The following HMCN1 variants were observed in gnomAD, a reference collection of about 807,000 sequenced individuals.
HMCN1 encodes hemicentin-1.
Under a neutral mutation model 625.9 loss-of-function variants are expected in HMCN1, and 321 were observed. The ratio of observed to expected loss-of-function variants is 0.51; its 90% CI spans 0.47 to 0.56. The LOEUF (loss-of-function observed/expected upper bound fraction) is 0.56. Among genes scored for constraint, HMCN1 ranks in the 20% least tolerant of loss-of-function variants. HMCN1 has a pLI of 0.00. For synonymous variants in HMCN1, 2,425 were observed against 2,417.6 expected, an observed-to-expected ratio of 1.00 and a Z score of -0.09; for missense variants, 6,588 against 6,887.3, an observed-to-expected ratio of 0.96 and a Z score of 1.54.
At chr1:185,997,936 C>A (rs1438637473) in intron 25 of HMCN1, among the ~76,000 whole-genome samples, 2 of 151,820 alleles carry the variant, frequency 1.3e-5, no homozygotes, top group African/African-American at 4.8e-5. Context: ...CTGGACACTT[C>A]TAAAAACCTC....
chr1:186,156,121 T>C (rs151046355), intron 97 of HMCN1, among the ~76,000 whole-genome samples: 2,771 of 152,170 alleles, frequency 0.018, 106 homozygotes, highest in African/African-American at 0.063. Flanking sequence ...ATCTAACTTA[T>C]TTTTAAAATT....
intron 2 of HMCN1, among the ~76,000 whole-genome samples, chr1:185,860,712 T>C (rs949642524): frequency 2.6e-5 from 4 of 152,186 alleles, no homozygotes; most frequent in South Asian, 2.1e-4. Context: ...TTAGAGTATA[T>C]GATATTATAA....
At chr1:186,040,888 C>T in intron 39 of HMCN1, 125 bp from the exon 40 acceptor site, 1 of 989,564 alleles carries the variant, frequency 1.0e-6, no homozygotes, top group Non-Finnish European at 1.6e-6. Context: ...TTAAAAATGT[C>T]CAAGGGAAAA....
chr1:185,853,968 G>A (rs1662313823), intron 2 of HMCN1, among the ~76,000 whole-genome samples: 1 of 152,180 alleles, frequency 6.6e-6, no homozygotes, highest in African/African-American at 2.4e-5. Flanking sequence ...AAACTATGAT[G>A]CCTGGATTCA....
chr1:186,033,189 C>T (rs1162860062), intron 36 of HMCN1, among the ~76,000 whole-genome samples: 1 of 151,762 alleles, frequency 6.6e-6, no homozygotes, highest in African/African-American at 2.4e-5. Flanking sequence ...GTGAAGTAAC[C>T]CAGGAATGGA....
chr1:186,108,551 T>C lies in HMCN1; in HGVS notation c.10943T>C (p.Val3648Ala), dbSNP rs1254384978. The C allele has an allele frequency of 4.3e-6, 7 of 1,614,140 alleles. No homozygotes were observed. In the South Asian group the frequency reaches 4.4e-5, roughly 10 times the overall value. The change falls in exon 71 of 107, where the codon GTG becomes GCG. Residue 3648 changes from valine to alanine, a missense_variant. This residue lies in a region of HMCN1 where 4,628 missense variants were observed against 4,853.1 expected (regional missense o/e 0.95). Coordinates refer to ENST00000271588, the MANE Select transcript of HMCN1 (RefSeq NM_031935.3). The stretch of plus-strand genomic sequence containing the variant: ...ACATTGGAATGCAAGTCAGATGCAG[T>C]GCCCCCACCTGTAATTACTTGGCTC... ...QVTLECKSDA[V>A]PPPVITWLRN... is the part of the protein sequence containing the mutation.
intron 44 of HMCN1, among the ~76,000 whole-genome samples, chr1:186,054,938 T>C (rs1327429965): frequency 6.6e-6 from 1 of 151,992 alleles, no homozygotes; most frequent in Non-Finnish European, 1.5e-5. Flanking sequence ...TTCATGTGGT[T>C]ACCCCAGTTT....
At chr1:185,924,595 A>C (rs1443141318) in intron 8 of HMCN1, among the ~76,000 whole-genome samples, 1 of 152,112 alleles carries the variant, frequency 6.6e-6, no homozygotes, top group Non-Finnish European at 1.5e-5. Flanking sequence ...ACGATATTCA[A>C]ATTTGGCTTA....
At chr1:185,791,260 C>A (rs1274925749) in intron 1 of HMCN1, among the ~76,000 whole-genome samples, 2 of 151,940 alleles carry the variant, frequency 1.3e-5, no homozygotes, top group African/African-American at 4.8e-5. Context: ...ACATAGTAGG[C>A]CCTCAATAAA....
chr1:185,862,932 G>A (rs1662961723), intron 2 of HMCN1, among the ~76,000 whole-genome samples: 1 of 152,070 alleles, frequency 6.6e-6, no homozygotes, highest in Admixed American at 6.5e-5. Context: ...ATGCTCAAAG[G>A]CTGTAAGTTT....
chr1:185,819,409 C>G (rs976556865), intron 1 of HMCN1, among the ~76,000 whole-genome samples: 1 of 152,080 alleles, frequency 6.6e-6, no homozygotes, highest in African/African-American at 2.4e-5. Flanking sequence ...ACTCTTTTCC[C>G]TCTTTTGAGA....
At chr1:186,141,573 T>C (rs1649965406) in intron 89 of HMCN1, among the ~76,000 whole-genome samples, 1 of 152,180 alleles carries the variant, frequency 6.6e-6, no homozygotes, top group Non-Finnish European at 1.5e-5. Context: ...TTAAAATACA[T>C]ATATAGCTAC....
rs371598243 is a variant in HMCN1 at position 185,982,363 on chromosome 1, C to A, written c.2764C>A (p.Arg922Ser). The change falls in exon 18 of 107, where the codon CGT becomes AGT. Residue 922 changes from arginine to serine, a missense_variant. By Grantham distance (110) the Arg-to-Ser change is moderately radical (BLOSUM62 -1). This residue lies in a region of HMCN1 where 4,628 missense variants were observed against 4,853.1 expected (regional missense o/e 0.95). Coordinates refer to ENST00000271588, the MANE Select transcript of HMCN1 (RefSeq NM_031935.3). ...GTTAGCTGGAAATCCCATTCCAGAACGTCGGTGGATTAAGAATTCAGCTAT... is the reference window on the plus strand; with the variant it reads ...GTTAGCTGGAAATCCCATTCCAGAAAGTCGGTGGATTAAGAATTCAGCTAT... ...TLLAGNPIPE[R>S]RWIKNSAMLL... 9 of 1,613,098 alleles carry A rather than the reference C, an allele frequency of 5.6e-6. No individual in the cohort carries two copies. The highest frequency in any genetic ancestry group is 6.8e-6 in the Non-Finnish European group (8 of 1,179,410).
rs1313948222 is a variant in HMCN1 at position 186,190,038 on chromosome 1, T to G, written c.*160T>G. 1.3e-6 allele frequency: 1 copy of G among 798,786 alleles called. No individual in the cohort carries two copies. The highest frequency in any genetic ancestry group is 2.1e-6 in the Non-Finnish European group (1 of 471,914). The allele number at this position is 798,786 out of a possible 1,614,324, so 49.5% of individuals were successfully genotyped here. On this transcript the variant is annotated 3_prime_UTR_variant, in exon 107 of 107. Coordinates refer to ENST00000271588, the MANE Select transcript of HMCN1 (RefSeq NM_031935.3). ...CTTCCTTGGTACTTCTGAGGTATTT[T>G]CATGATCCCACCATGGTCATATCTT... is the stretch of plus-strand genomic sequence containing the variant.
chr1:185,754,243 T>A (rs947598854), intron 1 of HMCN1, among the ~76,000 whole-genome samples: 11 of 152,160 alleles, frequency 7.2e-5, no homozygotes, highest in African/African-American at 2.2e-4. Context: ...AGTAGAACAG[T>A]GGTCACCAGA....
rs1185701219 is a variant in HMCN1, at chr1:185,922,392, G to A, written c.914G>A (p.Gly305Glu). ...AAACATTTTCAGACCTCAAGCAGTG[G>A]AAGGCACTCTGTTCGCATTACTGGC... ...GMWTVKTSSSGRHSVRITGLS... is the reference protein window; with the variant it reads ...GMWTVKTSSSERHSVRITGLS... The change falls in exon 7 of 107, where the codon GGA becomes GAA. Residue 305 changes from glycine to glutamate, a missense_variant. Gly to Glu is a moderately conservative substitution (Grantham distance 98). This residue lies in a region of HMCN1 where 4,628 missense variants were observed against 4,853.1 expected (regional missense o/e 0.95). Transcript: ENST00000271588. 6.2e-7 allele frequency: 1 copy of A among 1,613,510 alleles called. No homozygotes were observed. Among genetic ancestry groups the A allele is most frequent in the South Asian group, 1.1e-5 (1 of 91,058 alleles).
chr1:185,991,067 A>G (rs1034939128), intron 22 of HMCN1, among the ~76,000 whole-genome samples: 9 of 152,214 alleles, frequency 5.9e-5, no homozygotes, highest in African/African-American at 2.2e-4. Context: ...TGGGGATGAT[A>G]CTTACCTGAG....
At chr1:186,105,346 T>C (rs1167192088) in intron 69 of HMCN1, among the ~76,000 whole-genome samples, 1 of 152,252 alleles carries the variant, frequency 6.6e-6, no homozygotes, top group Non-Finnish European at 1.5e-5. Context: ...TATATACTTC[T>C]GTAGTAACTC....
chr1:186,078,259 A>G, intron 55 of HMCN1, 39 bp downstream of exon 55: 1 of 1,449,924 alleles, frequency 6.9e-7, no homozygotes, highest in Non-Finnish European at 9.6e-7. Context: ...TCTTTTACTG[A>G]AAAGTATTTT....
Sources: allele counts gnomAD v4.1 joint callset (sites outside exome capture counted in the v4.1 genomes callset), GRCh38; gene constraint gnomAD v4.1.1; regional missense constraint gnomAD v4.1.1; transcripts MANE v1.5; gene names NCBI Gene and HGNC (gene_info 2026-07-23, HGNC 2026-07-21).